The following TRIM4 variants were observed in gnomAD, a reference collection of about 807,000 sequenced individuals.
TRIM4 encodes E3 ubiquitin-protein ligase TRIM4.
Under a neutral mutation model 33.7 loss-of-function variants are expected in TRIM4, and 29 were observed. The observed-to-expected ratio is 0.86, with a 90% CI of 0.64 to 1.17. The LOEUF (loss-of-function observed/expected upper bound fraction) is 1.17, where lower values mean the gene tolerates loss of function less well. Among genes scored for constraint, TRIM4 ranks in the 50% most tolerant of loss-of-function variants. The pLI, the probability that TRIM4 is intolerant of heterozygous loss-of-function variation, is 0.00. For missense variants in TRIM4, 554 were observed against 593.7 expected (o/e 0.93, Z 0.69); for synonymous variants, 224 against 233.0 (o/e 0.96, Z 0.35).
At chr7:99,911,238 G>A (rs990831971) in intron 1 of TRIM4, among the ~76,000 whole-genome samples, 1 of 152,158 alleles carries the variant, frequency 6.6e-6, no homozygotes, top group African/African-American at 2.4e-5. Context: ...AGAGGATCAA[G>A]GCTAGAACTG....
rs1403767825 is a variant in TRIM4, at chr7:99,903,259, C to T, written c.800G>A (p.Cys267Tyr). The change falls in exon 5 of 6, where the codon TGC becomes TAC. Residue 267 changes from cysteine (C) to tyrosine (Y), a missense_variant. Cys to Tyr is a radical substitution (Grantham distance 194, BLOSUM62 -2). Around this residue, in one of 3 missense-constraint regions of TRIM4, gnomAD observed 290 missense variants for 335.8 expected, o/e 0.86. Coordinates refer to ENST00000349062, the MANE Select transcript of TRIM4 (RefSeq NM_033091.3). ...SLEAVKVKTVCQIPLMKEMLK... is the reference protein window; with the variant it reads ...SLEAVKVKTVYQIPLMKEMLK... Reference sequence around the variant, plus strand: ...CATTTCCTTCATCAATGGTATCTGGCACACTGTCTTCACCTTTACAGCTTC... The same window carrying T: ...CATTTCCTTCATCAATGGTATCTGGTACACTGTCTTCACCTTTACAGCTTC... 1.2e-6 allele frequency: 2 copies of T among 1,613,384 alleles called. No homozygotes were observed. Among genetic ancestry groups the T allele is most frequent in the African/African-American group, 1.3e-5 (1 of 74,888 alleles).
At chr7:99,916,840 T>A in intron 1 of TRIM4, 2 of 767,608 alleles carry the variant, frequency 2.6e-6, no homozygotes, top group South Asian at 2.7e-5. Context: ...AACTCCCCAC[T>A]GCCTGAAAGA....
Position 99,908,716 on chromosome 7 carries a change from T to C in TRIM4, c.586A>G (p.Asn196Asp), listed in dbSNP as rs1173258355. The change falls in exon 3 of 6, where the codon AAC (asparagine) becomes GAC (aspartate). Residue 196 changes from asparagine to aspartate, a missense_variant. By Grantham distance (23) the Asn-to-Asp change is conservative (BLOSUM62 1). Transcript: ENST00000349062. The part of the protein sequence containing the change: ...EEEDLFLQRL[N>D]KEEEETKKKL... ...TTCTTCGTCTCTTCTTCTTCTTTGT[T>C]CAATCTCTGAAGAAACAGGTCCTCT... The C allele has an allele frequency of 9.9e-6, 16 of 1,614,206 alleles. No individual in the cohort carries two copies. The highest frequency in any genetic ancestry group is 1.2e-5 in the Non-Finnish European group (14 of 1,180,020).
chr7:99,898,805 A>G (rs1584262634), intron 5 of TRIM4, among the ~76,000 whole-genome samples: 1 of 152,338 alleles, frequency 6.6e-6, no homozygotes, highest in South Asian at 2.1e-4. Flanking sequence ...AATGTTGTGT[A>G]TATATCCCTA....
chr7:99,913,084 T>C (rs1341893824), intron 1 of TRIM4, among the ~76,000 whole-genome samples: 1 of 152,226 alleles, frequency 6.6e-6, no homozygotes, highest in Non-Finnish European at 1.5e-5. Context: ...GTTTTCACTT[T>C]GCTTGATAAT....
rs372808047 is a variant in TRIM4 at position 99,908,569 on chromosome 7, G to C, written c.720+13C>G. On this transcript the variant is annotated intron_variant, in intron 3 of 5. Transcript: ENST00000349062. ...AGTGAAGATGAGATCACCCCCACTC[G>C]TAACTGTCTCACCTGAAGCAGCTCC... The C allele has an allele frequency of 6.3e-7, 1 of 1,595,444 alleles. No individual in the cohort carries two copies. The highest frequency in any genetic ancestry group is 8.6e-7 in the Non-Finnish European group (1 of 1,168,240).
At chr7:99,912,585 T>C (rs964565673) in intron 1 of TRIM4, among the ~76,000 whole-genome samples, 2 of 151,628 alleles carry the variant, frequency 1.3e-5, no homozygotes, top group African/African-American at 4.9e-5. Flanking sequence ...ATGATATACA[T>C]GCTGAAGTAT....
chr7:99,893,360 C>T (rs1458991772), intron 5 of TRIM4, among the ~76,000 whole-genome samples: 1 of 83,060 alleles, frequency 1.2e-5, no homozygotes, highest in East Asian at 2.1e-4. Context: ...GAGATATTAA[C>T]AAATTCTCAC....
intron 3 of TRIM4, among the ~76,000 whole-genome samples, chr7:99,905,062 A>T (rs1819266314): frequency 6.7e-6 from 1 of 148,488 alleles, no homozygotes. Context: ...AAAAAAAAAA[A>T]TAGCTTTATC....
chr7:99,899,728 T>C (rs990970671), intron 5 of TRIM4, among the ~76,000 whole-genome samples: 5 of 152,160 alleles, frequency 3.3e-5, no homozygotes, highest in African/African-American at 1.2e-4. Flanking sequence ...AAAGGATATA[T>C]ATGTCTGTGT....
chr7:99,908,515 C>T (rs945251867), intron 3 of TRIM4, 67 bp downstream of exon 3: 3 of 1,274,876 alleles, frequency 2.4e-6, no homozygotes, highest in Non-Finnish European at 3.3e-6. Context: ...GAAGGACATT[C>T]AGCTCTAAAG....
chr7:99,902,136 T>C (rs1584264935), intron 5 of TRIM4: 1 of 765,334 alleles, frequency 1.3e-6, no homozygotes, highest in East Asian at 2.4e-5. Flanking sequence ...TTGTTTCACA[T>C]ATTGTGCCTG....
intron 1 of TRIM4, chr7:99,916,898 G>A: frequency 2.9e-6 from 2 of 691,988 alleles, no homozygotes; most frequent in Non-Finnish European, 5.2e-6. Context: ...TCATGATAAG[G>A]CCCTGCCTTT....
Position 99,919,507 on chromosome 7 carries a change from G to T in TRIM4, c.-106C>A. 2.4e-6 allele frequency: 3 copies of T among 1,260,464 alleles called. No homozygotes were observed. The highest frequency in any genetic ancestry group is 2.1e-6 in the Non-Finnish European group (2 of 947,670). 78.1% of individuals were successfully genotyped at this position (1,260,464 alleles called of 1,614,324 possible). ...AGACGACTTCCGAACCGCCGTCACC[G>T]CCTCACGTAAAAGGGTACAACGCAG... On this transcript the variant is annotated 5_prime_UTR_variant, in exon 1 of 6. Coordinates refer to ENST00000349062, the MANE Select transcript of TRIM4 (RefSeq NM_033091.3).
intron 5 of TRIM4, chr7:99,901,979 C>A: frequency 1.6e-6 from 1 of 629,542 alleles, no homozygotes. Flanking sequence ...GCAAGTCTCC[C>A]TGGCTCTACC....
rs1584258277 is a variant in TRIM4 at position 99,892,659 on chromosome 7, C to A, written c.929G>T (p.Ser310Ile). Residue 310 changes from serine to isoleucine, a missense_variant, in exon 6 of 6, where the codon AGT becomes ATT. Ser to Ile is a moderately radical substitution (Grantham distance 142). Transcript: ENST00000349062. ...GRYVKNTASA[S>I]SWPVFSSAWN... ...TGCTGAAGAAAACACTGGCCAAGAA[C>A]TGGCTGATGCTGTATTTTTCACGTA... is the stretch of plus-strand genomic sequence containing the variant. The A allele has an allele frequency of 6.2e-7, 1 of 1,614,206 alleles. No individual in the cohort carries two copies. Among genetic ancestry groups the A allele is most frequent in the African/African-American group, 1.3e-5 (1 of 75,062 alleles).
intron 5 of TRIM4, among the ~76,000 whole-genome samples, chr7:99,893,564 G>A (rs1369220357): frequency 2.0e-5 from 3 of 152,066 alleles, no homozygotes; most frequent in South Asian, 2.1e-4. Flanking sequence ...CTATACTCTC[G>A]GGACTAATCC....
chr7:99,903,434 A>G (rs911051152), intron 4 of TRIM4, 119 bp from the exon 5 acceptor site: 4 of 1,365,736 alleles, frequency 2.9e-6, no homozygotes, highest in Admixed American at 3.7e-5. Flanking sequence ...CTCCTCCCAG[A>G]AACAATCAGG....
chr7:99,892,893 C>T, intron 5 of TRIM4, 147 bp from the exon 6 acceptor site: 1 of 711,978 alleles, frequency 1.4e-6, no homozygotes, highest in Admixed American at 2.9e-5. Flanking sequence ...CTCAGCCAGG[C>T]CTAGCAGGCC....
Sources: gnomAD v4.1 joint callset for allele counts (sites outside exome capture counted in the v4.1 genomes callset) on GRCh38, gnomAD v4.1.1 for gene constraint, gnomAD v4.1.1 regional missense constraint, MANE v1.5 for transcripts, NCBI Gene and HGNC (gene_info 2026-07-23, HGNC 2026-07-21) for gene names.